FANCD2: variants seen among roughly 807,000 people sequenced by gnomAD.
The protein encoded by FANCD2 is Fanconi anemia group D2 protein.
A neutral mutation model predicts 192.3 loss-of-function variants in FANCD2; 131 were observed. That is an observed-to-expected ratio of 0.68 (90% CI 0.59 to 0.79). The LOEUF (loss-of-function observed/expected upper bound fraction) is 0.79. FANCD2 is among the 30% of genes least tolerant of loss of function. FANCD2 has a pLI of 0.00. For synonymous variants in FANCD2, 524 were observed against 612.5 expected, an observed-to-expected ratio of 0.86 and a Z score of 2.13; for missense variants, 1,508 against 1,701.6, an observed-to-expected ratio of 0.89 and a Z score of 2.00.
intron 5 of FANCD2, 133 bp downstream of exon 5, chr3:10,034,931 A>G: frequency 1.3e-6 from 1 of 781,396 alleles, no homozygotes; most frequent in Non-Finnish European, 2.2e-6. Context: ...AGTTTAAACT[A>G]AGTTTAAAAT....
At chr3:10,098,840 T>C (rs1455432557) in intron 43 of FANCD2, 25 bp downstream of exon 43, 1 of 1,613,974 alleles carries the variant, frequency 6.2e-7, no homozygotes, top group African/African-American at 1.3e-5. Flanking sequence ...CCCACCAGAG[T>C]CTGGCACTGA....
At chr3:10,046,534 T>C (rs1156576675) in intron 14 of FANCD2, 46 bp from the exon 15 acceptor site, 15 of 1,612,038 alleles carry the variant, frequency 9.3e-6, no homozygotes, top group Non-Finnish European at 1.3e-5. Flanking sequence ...GCAAATGTAC[T>C]GATTTGTTAA....
intron 2 of FANCD2, among the ~76,000 whole-genome samples, chr3:10,029,450 A>G (rs548022100): frequency 6.6e-6 from 1 of 152,292 alleles, no homozygotes; most frequent in African/African-American, 2.4e-5. Context: ...GCAATGAGTC[A>G]ATAACAGCAC....
At chr3:10,041,370 G>A in intron 9 of FANCD2, 2 of 415,118 alleles carry the variant, frequency 4.8e-6, no homozygotes, top group South Asian at 4.6e-5. Flanking sequence ...CTAAATAGTG[G>A]TGTTCTCTGG....
At chr3:10,037,454 A>G (rs1304286874) in intron 7 of FANCD2, 2 of 152,230 alleles carry the variant, frequency 1.3e-5, no homozygotes, top group East Asian at 3.8e-4. Flanking sequence ...GTATGTGTCA[A>G]AAACCTTAGA....
chr3:10,067,639 C>G (rs1234528726), intron 26 of FANCD2, among the ~76,000 whole-genome samples: 2 of 151,998 alleles, frequency 1.3e-5, no homozygotes, highest in African/African-American at 4.8e-5. Context: ...TTGTACTAAA[C>G]ATACAAAAAT....
rs1244705554 is a variant in FANCD2 at position 10,101,375 on chromosome 3, CTCTT to C, written c.*115_*118del. The C allele has an allele frequency of 6.9e-6, 4 of 581,542 alleles. No homozygotes were observed. The highest frequency in any genetic ancestry group is 3.2e-5 in the Admixed American group (1 of 31,016). The allele number at this position is 581,542 out of a possible 1,614,324, so 36.0% of individuals were successfully genotyped here. On this transcript the variant is annotated 3_prime_UTR_variant, in exon 44 of 44. Transcript: ENST00000675286. ...TTACTGGTAGGATCCTTTTTTGTTC[CTCTT>C]TTTTTTTTTTTTTTTTTTTTTTTAA...
Position 10,063,917 on chromosome 3 carries a change from G to A in FANCD2, c.1947+6G>A. 1 of 1,614,214 alleles carries A rather than the reference G, an allele frequency of 6.2e-7. No homozygotes were observed. Among genetic ancestry groups the A allele is most frequent in the Non-Finnish European group, 8.5e-7 (1 of 1,180,032 alleles). ...AGCTGGATCCAAAAGCCCTGGTAAAGCCAATTGTCTTTTCTTAAAGCAATA... is the reference window on the plus strand; with the variant it reads ...AGCTGGATCCAAAAGCCCTGGTAAAACCAATTGTCTTTTCTTAAAGCAATA... On this transcript the variant is annotated splice_donor_region_variant and intron_variant, in intron 21 of 43. Coordinates refer to ENST00000675286, the MANE Select transcript of FANCD2 (RefSeq NM_001018115.3).
Position 10,028,834 on chromosome 3 carries a change from A to G in FANCD2, c.64+113A>G, listed in dbSNP as rs1157268142. The G allele has an allele frequency of 5.4e-6, 5 of 931,722 alleles. No individual in the cohort carries two copies. The African/African-American group carries it at 6.5e-5, about 12-fold the overall frequency. The allele number at this position is 931,722 out of a possible 1,614,324, so 57.7% of individuals were successfully genotyped here. ...AGAATCTTCAAAGTGTAATGAATGG[A>G]GTGCACAGAATTAAGGGAGAAATAT... On this transcript the variant is annotated intron_variant, in intron 2 of 43. Coordinates refer to ENST00000675286, the MANE Select transcript of FANCD2 (RefSeq NM_001018115.3).
chr3:10,090,443 ATTTTTTTTTTTT>A lies in FANCD2; in HGVS notation c.3777+75_3777+86del, dbSNP rs773716319. On this transcript the variant is annotated intron_variant, in intron 37 of 43. Transcript: ENST00000675286. ...ACTTTGGATTACTTGGAAGTTGCTG[ATTTTTTTTTTTT>A]TTTTTTTTTTTTTTTTCTGAGACAG... 58 of 342,304 alleles carry A rather than the reference ATTTTTTTTTTTT, an allele frequency of 1.7e-4. No individual in the cohort carries two copies. The Middle Eastern group carries it at 2.6e-3, about 15-fold the overall frequency. 21.2% of individuals were successfully genotyped at this position (342,304 alleles called of 1,614,324 possible). A position where few individuals can be genotyped will look rare whatever the true frequency, so the allele number is the denominator to read the frequency against.
rs2125069627 is a variant in FANCD2 at position 10,085,902 on chromosome 3, G to A, written c.3315G>A (p.Gln1105=). 6.2e-7 allele frequency: 1 copy of A among 1,612,088 alleles called. No homozygotes were observed. Among genetic ancestry groups the A allele is most frequent in the Non-Finnish European group, 8.5e-7 (1 of 1,178,236 alleles). ...GACTGAAACAGGGAGAACACAGCCA[G>A]CCTTTGGAGGAACTACTCAGGTGAG... ...SSRLKQGEHS[Q]PLEELLSQSV... is the part of the protein sequence containing the mutation. Residue 1105 remains glutamine, a synonymous_variant, in exon 33 of 44, where the codon CAG becomes CAA. Transcript: ENST00000675286.
At chr3:10,066,706 G>A (rs999016587) in intron 25 of FANCD2, among the ~76,000 whole-genome samples, 5 of 152,034 alleles carry the variant, frequency 3.3e-5, no homozygotes, top group Admixed American at 1.3e-4. Flanking sequence ...GTAAAACTAG[G>A]GTCACAAGCC....
intron 32 of FANCD2, among the ~76,000 whole-genome samples, chr3:10,084,891 C>T (rs532258998): frequency 6.6e-6 from 1 of 152,202 alleles, no homozygotes; most frequent in South Asian, 2.1e-4. Flanking sequence ...TAAGAAAACA[C>T]TTCTGGCAGC....
At chr3:10,031,830 G>A (rs942781720) in intron 2 of FANCD2, among the ~76,000 whole-genome samples, 2 of 152,054 alleles carry the variant, frequency 1.3e-5, no homozygotes, top group Non-Finnish European at 2.9e-5. Flanking sequence ...CAGTAACTCT[G>A]GTATATGGCA....
chr3:10,036,086 C>CTTTTTTTTTTTTTTTTTGTTTTTTT (rs2086722483), intron 6 of FANCD2, among the ~76,000 whole-genome samples: 1 of 102,602 alleles, frequency 9.7e-6, no homozygotes, highest in Non-Finnish European at 2.0e-5. Context: ...TTATACATTT[C>CTTTTTTTTTTTTTTTTTGTTTTTTT]TTTTTTTTTT....
intron 30 of FANCD2, among the ~76,000 whole-genome samples, chr3:10,079,579 G>A (rs544407730): frequency 5.3e-5 from 8 of 152,224 alleles, no homozygotes; most frequent in Non-Finnish European, 8.8e-5. Flanking sequence ...GCCCACCTCG[G>A]CCTCCCAAAG....
chr3:10,073,420 A>G, intron 28 of FANCD2, 58 bp downstream of exon 28: 2 of 1,271,770 alleles, frequency 1.6e-6, no homozygotes, highest in East Asian at 4.6e-5. Flanking sequence ...ATTAACAGAA[A>G]CCCAGCTTTA....
intron 38 of FANCD2, among the ~76,000 whole-genome samples, chr3:10,093,084 C>A (rs35474341): frequency 6.6e-6 from 1 of 152,278 alleles, no homozygotes; most frequent in Non-Finnish European, 1.5e-5. Flanking sequence ...GTTTATTTCT[C>A]TTTGCTCGTC....
In FANCD2 at chr3:10,026,483, T is replaced by C. The variant is rs2086452750; in HGVS notation, c.-34+10T>C. ...CGGCGACGGCTTCTCGGTGAGTAAG[T>C]GGAGCAATGGTCGTAGTCTCTCGAG... On this transcript the variant is annotated intron_variant, in intron 1 of 43. Transcript: ENST00000675286. 4.0e-6 allele frequency: 2 copies of C among 494,012 alleles called. No individual in the cohort carries two copies. The highest frequency in any genetic ancestry group is 5.3e-6 in the Non-Finnish European group (2 of 378,194). The allele number at this position is 494,012 out of a possible 1,614,324, so 30.6% of individuals were successfully genotyped here.
Sources: allele counts gnomAD v4.1 joint callset (sites outside exome capture counted in the v4.1 genomes callset), GRCh38; gene constraint gnomAD v4.1.1; transcripts MANE v1.5; gene names NCBI Gene and HGNC (gene_info 2026-07-23, HGNC 2026-07-21).